Variants in RIPOR2 observed in about 807,000 individuals in gnomAD.
RIPOR2 encodes rho family-interacting cell polarization regulator 2.
RIPOR2 carries 39 observed loss-of-function variants against 114.5 expected under a neutral mutation model. The ratio of observed to expected loss-of-function variants is 0.34; its 90% CI spans 0.26 to 0.44. The LOEUF (loss-of-function observed/expected upper bound fraction) is 0.44. Ranked by LOEUF, RIPOR2 falls within the 20% of genes least tolerant of loss-of-function variation. The pLI is 1.00. For synonymous variants in RIPOR2, 445 were observed against 484.4 expected, an observed-to-expected ratio of 0.92 and a Z score of 1.07; for missense variants, 1,007 against 1,255.1, an observed-to-expected ratio of 0.80 and a Z score of 2.99.
chr6:25,032,191 T>G (rs1394682569), intron 1 of RIPOR2, among the ~76,000 whole-genome samples: 3 of 151,994 alleles, frequency 2.0e-5, no homozygotes, highest in Non-Finnish European at 4.4e-5. Flanking sequence ...TATGGTGTTT[T>G]TTTTTTTTTC....
chr6:24,970,610 C>T (rs189429449), intron 1 of RIPOR2, among the ~76,000 whole-genome samples: 3 of 152,226 alleles, frequency 2.0e-5, no homozygotes, highest in Admixed American at 1.3e-4. Context: ...TTTATAGCCT[C>T]CGGGTTCACA....
At chr6:24,825,921 T>C (rs1760138351) in intron 18 of RIPOR2, among the ~76,000 whole-genome samples, 1 of 99,762 alleles carries the variant, frequency 1.0e-5, no homozygotes, top group African/African-American at 3.3e-5. Flanking sequence ...TTTAATGTTT[T>C]TCTCTTTTTT....
At position 24,865,411 on chromosome 6, in the gene RIPOR2, G is replaced by A; in HGVS notation, c.541C>T (p.Leu181Phe). ...LYEAYCIQRR[L>F]QDGASKMKQA... Reference sequence around the variant, plus strand: ...TTCATTTTGCTGGCACCATCCTGGAGGCGTCGCTGGATACAATAAGCTTCA... The same window carrying A: ...TTCATTTTGCTGGCACCATCCTGGAAGCGTCGCTGGATACAATAAGCTTCA... The change falls in exon 7 of 22, where the codon CTC (leucine) becomes TTC (phenylalanine). Residue 181 changes from leucine to phenylalanine, a missense_variant. Leu to Phe is a conservative substitution (Grantham distance 22). Coordinates refer to ENST00000643898, the MANE Select transcript of RIPOR2 (RefSeq NM_001286445.3). 6.2e-7 allele frequency: 1 copy of A among 1,613,558 alleles called. No individual in the cohort carries two copies. Among genetic ancestry groups the A allele is most frequent in the Non-Finnish European group, 8.5e-7 (1 of 1,179,626 alleles).
chr6:25,021,591 G>T (rs909818228), intron 1 of RIPOR2, among the ~76,000 whole-genome samples: 1 of 152,172 alleles, frequency 6.6e-6, no homozygotes, highest in Non-Finnish European at 1.5e-5. Flanking sequence ...TAAGCTATGA[G>T]GATGCAAAGG....
intron 14 of RIPOR2, 62 bp downstream of exon 14, chr6:24,839,029 C>T: frequency 7.4e-7 from 1 of 1,360,052 alleles, no homozygotes; most frequent in Non-Finnish European, 1.0e-6. Context: ...CTGACAGTAA[C>T]AAAGAACTAC....
intron 1 of RIPOR2, among the ~76,000 whole-genome samples, chr6:24,922,858 CAAAAAAAAAAAAA>C (rs869160864): frequency 2.5e-5 from 2 of 78,652 alleles, no homozygotes; most frequent in Admixed American, 1.6e-4. Context: ...AGGACAGTCT[CAAAAAAAAAAAAA>C]AAAAAAAAAA....
intron 1 of RIPOR2, among the ~76,000 whole-genome samples, chr6:24,907,097 T>C (rs968994479): frequency 6.6e-5 from 10 of 152,216 alleles, no homozygotes; most frequent in African/African-American, 2.4e-4. Context: ...GAATTAAAAA[T>C]GATTGTGAAT....
intron 13 of RIPOR2, among the ~76,000 whole-genome samples, chr6:24,842,069 T>G (rs1761770520): frequency 6.6e-6 from 1 of 152,222 alleles, no homozygotes; most frequent in African/African-American, 2.4e-5. Context: ...TTCTTTTATA[T>G]GACAATATAA....
At chr6:24,941,745 A>G (rs188131626) in intron 1 of RIPOR2, among the ~76,000 whole-genome samples, 3 of 152,292 alleles carry the variant, frequency 2.0e-5, no homozygotes, top group African/African-American at 7.2e-5. Context: ...TGGCAACATT[A>G]ACTGAGATGG....
intron 7 of RIPOR2, among the ~76,000 whole-genome samples, chr6:24,864,778 TA>T (rs568339604): frequency 1.3e-5 from 2 of 151,786 alleles, no homozygotes; most frequent in Admixed American, 6.6e-5. Flanking sequence ...TTCTCACAAT[TA>T]AAAAAAACAT....
At chr6:24,953,784 C>T (rs984848609) in intron 1 of RIPOR2, among the ~76,000 whole-genome samples, 1 of 152,332 alleles carries the variant, frequency 6.6e-6, no homozygotes, top group East Asian at 1.9e-4. Flanking sequence ...ATTAGATGAT[C>T]CCTTTGTCCA....
intron 1 of RIPOR2, chr6:25,024,306 A>G: frequency 1.3e-6 from 2 of 1,521,702 alleles, no homozygotes; most frequent in Non-Finnish European, 1.8e-6. Context: ...CTCAATGAAC[A>G]CCTTTTTGGC....
chr6:24,967,328 G>A (rs1047585402), intron 1 of RIPOR2, among the ~76,000 whole-genome samples: 5 of 152,174 alleles, frequency 3.3e-5, no homozygotes, highest in African/African-American at 1.2e-4. Context: ...GCATGTTGGG[G>A]GAAGTTTGGT....
intron 1 of RIPOR2, among the ~76,000 whole-genome samples, chr6:25,003,451 C>T (rs757888303): frequency 2.7e-5 from 4 of 150,468 alleles, no homozygotes; most frequent in Non-Finnish European, 4.4e-5. Context: ...CTTTTCGAGA[C>T]AGGATCTCAT....
In RIPOR2 at chr6:24,875,811, G is replaced by A. The variant is rs941732628; in HGVS notation, c.68C>T (p.Pro23Leu). The A allele has an allele frequency of 7.5e-6, 12 of 1,607,154 alleles. No homozygotes were observed. The highest frequency in any genetic ancestry group is 1.3e-5 in the African/African-American group (1 of 74,784). ...CAACATGATTTCCGGGAGTCTGGTC[G>A]GTAGTCCTAGAAGACAGTGGAAAGA... ...EEDDVFGEGL[P>L]TRLPEIMLVG... The change falls in exon 2 of 22, where the codon CCG becomes CTG. Residue 23 changes from proline to leucine, a missense_variant. By Grantham distance (98) the Pro-to-Leu change is moderately conservative (BLOSUM62 -3). Transcript: ENST00000643898.
chr6:24,916,606 A>G (rs1250881910), intron 1 of RIPOR2, among the ~76,000 whole-genome samples: 1 of 152,232 alleles, frequency 6.6e-6, no homozygotes, highest in Non-Finnish European at 1.5e-5. Context: ...CTGTACCTAT[A>G]GAAGCATATT....
At chr6:24,928,465 T>A (rs1487740444) in intron 1 of RIPOR2, among the ~76,000 whole-genome samples, 1 of 152,228 alleles carries the variant, frequency 6.6e-6, no homozygotes, top group Non-Finnish European at 1.5e-5. Context: ...AAAAAAATTA[T>A]ACTCAAAGGC....
In RIPOR2 at chr6:24,817,656, T is replaced by C. The variant is rs1343861312; in HGVS notation, c.2952+886A>G. ...CACCCGTCTTCTGCGTCGCTCACGC[T>C]GGGAGCTGTAGACCGGAGCTGTTCC... is the stretch of plus-strand genomic sequence containing the variant. On this transcript the variant is annotated intron_variant, in intron 20 of 21. Coordinates refer to ENST00000643898, the MANE Select transcript of RIPOR2 (RefSeq NM_001286445.3). Among the ~76,000 whole-genome samples, 4 of 14,970 alleles carry C rather than the reference T, an allele frequency of 2.7e-4. 2 individuals carry two copies. The highest frequency in any genetic ancestry group is 3.4e-4 in the African/African-American group (4 of 11,598). 9.8% of individuals were successfully genotyped at this position (14,970 alleles called of 152,430 possible).
intron 16 of RIPOR2, 73 bp downstream of exon 16, chr6:24,832,183 C>G (rs1581520117): frequency 1.5e-6 from 2 of 1,358,358 alleles, no homozygotes; most frequent in East Asian, 2.5e-5. Context: ...AAGCAATGAA[C>G]ATGCATAGGG....
Sources: gnomAD v4.1 joint callset for allele counts (sites outside exome capture counted in the v4.1 genomes callset) on GRCh38, gnomAD v4.1.1 for gene constraint, MANE v1.5 for transcripts, NCBI Gene and HGNC (gene_info 2026-07-23, HGNC 2026-07-21) for gene names.